Variants in NARS1 observed in about 807,000 individuals in gnomAD.
The protein encoded by NARS1 is asparaginyl-tRNA synthetase 1.
A neutral mutation model predicts 79.2 loss-of-function variants in NARS1; 65 were observed. The observed-to-expected ratio is 0.82, with a 90% CI of 0.67 to 1.01. NARS1 has a LOEUF of 1.01. Among genes scored for constraint, NARS1 ranks in the 50% least tolerant of loss-of-function variants. The pLI is 0.00. For missense variants in NARS1, 649 were observed against 673.8 expected (o/e 0.96, Z 0.41); for synonymous variants, 229 against 238.8 (o/e 0.96, Z 0.38).
Position 57,608,012 on chromosome 18 carries a change from C to T in NARS1, c.580-347G>A, listed in dbSNP as rs182847593. 1.6e-4 allele frequency among the ~76,000 whole-genome samples: 24 copies of T among 151,922 alleles called. No homozygotes were observed. In the East Asian group the frequency reaches 4.5e-3, roughly 29 times the overall value. Reference sequence around the variant, plus strand: ...CCTCCCGAGCAGCTGGGATTACAGGCGCCCACCACCACGTCTGGCTAATTT... The same window carrying T: ...CCTCCCGAGCAGCTGGGATTACAGGTGCCCACCACCACGTCTGGCTAATTT... On this transcript the variant is annotated intron_variant, in intron 7 of 13. Coordinates refer to ENST00000256854, the MANE Select transcript of NARS1 (RefSeq NM_004539.4).
intron 6 of NARS1, among the ~76,000 whole-genome samples, chr18:57,610,418 G>C (rs2051595512): frequency 6.6e-6 from 1 of 152,184 alleles, no homozygotes; most frequent in Non-Finnish European, 1.5e-5. Flanking sequence ...GTTGCACTAA[G>C]CTGAGATCAC....
intron 11 of NARS1, among the ~76,000 whole-genome samples, chr18:57,604,201 A>G (rs993190597): frequency 6.6e-6 from 1 of 152,206 alleles, no homozygotes; most frequent in Non-Finnish European, 1.5e-5. Flanking sequence ...ACTAAGTATT[A>G]GGAACACTAA....
Position 57,607,170 on chromosome 18 carries a change from C to T in NARS1, c.965G>A (p.Arg322Gln). Reference protein sequence around the residue: ...GDVFCIAQSYRAEQSRTRRHL... With the variant: ...GDVFCIAQSYQAEQSRTRRHL... ...CCTTCGTGTTCTGGACTGCTCTGCC[C>T]GGTATGACTGAGCAATACAAAAAAC... is the stretch of plus-strand genomic sequence containing the variant. The change falls in exon 9 of 14, where the codon CGG (arginine) becomes CAG (glutamine). Residue 322 changes from arginine (R) to glutamine (Q), a missense_variant. Transcript: ENST00000256854. 2 of 1,613,992 alleles carry T rather than the reference C, an allele frequency of 1.2e-6. No homozygotes were observed. Among genetic ancestry groups the T allele is most frequent in the Non-Finnish European group, 1.7e-6 (2 of 1,179,988 alleles).
At chr18:57,612,804 TTATAAAA>T (rs2051615395) in intron 5 of NARS1, among the ~76,000 whole-genome samples, 1 of 152,082 alleles carries the variant, frequency 6.6e-6, no homozygotes, top group African/African-American at 2.4e-5. Flanking sequence ...TGTTTATATA[TTATAAAA>T]TATATAATAA....
At chr18:57,608,392 G>A (rs1005150671) in intron 7 of NARS1, among the ~76,000 whole-genome samples, 87 of 119,292 alleles carry the variant, frequency 7.3e-4, no homozygotes, top group African/African-American at 2.6e-3. Context: ...AGTGGAGATC[G>A]CACCACTGCA....
intron 5 of NARS1, among the ~76,000 whole-genome samples, chr18:57,612,785 A>G (rs2051615237): frequency 6.6e-6 from 1 of 152,200 alleles, no homozygotes; most frequent in Non-Finnish European, 1.5e-5. Flanking sequence ...ATAAATAGTA[A>G]AAGTGACATG....
chr18:57,618,786 G>A (rs11152022), intron 2 of NARS1, among the ~76,000 whole-genome samples: 7 of 152,038 alleles, frequency 4.6e-5, no homozygotes, highest in East Asian at 3.9e-4. Context: ...CCTGTGGTCC[G>A]AGCTACTTGG....
Position 57,613,635 on chromosome 18 carries a change from C to T in NARS1, c.388G>A (p.Val130Met). 1.2e-6 allele frequency: 2 copies of T among 1,614,142 alleles called. No homozygotes were observed. The highest frequency in any genetic ancestry group is 1.7e-6 in the Non-Finnish European group (2 of 1,180,006). Residue 130 changes from valine (V) to methionine (M), a missense_variant, in exon 5 of 14, where the codon GTG becomes ATG. Transcript: ENST00000256854. Reference protein sequence around the residue: ...LEGYRGQRVKVFGWVHRLRRQ... With the variant: ...LEGYRGQRVKMFGWVHRLRRQ... ...CGCAGCCTGTGGACCCAGCCAAACA[C>T]CTTTACTCTTTGGCCTCTATATCCT...
chr18:57,610,042 C>T (rs2051592351), intron 6 of NARS1, among the ~76,000 whole-genome samples: 1 of 152,014 alleles, frequency 6.6e-6, no homozygotes, highest in Non-Finnish European at 1.5e-5. Context: ...TGTCTCAAAA[C>T]AACAAACAAA....
chr18:57,609,211 A>G (rs373136746), intron 7 of NARS1, 146 bp downstream of exon 7: 1 of 559,630 alleles, frequency 1.8e-6, no homozygotes, highest in Non-Finnish European at 3.1e-6. Context: ...CTCCTTAAAA[A>G]CTCCCTTTCA....
At chr18:57,612,440 G>A (rs529543282) in intron 5 of NARS1, among the ~76,000 whole-genome samples, 2 of 152,024 alleles carry the variant, frequency 1.3e-5, no homozygotes, top group East Asian at 1.9e-4. Context: ...CCCCTCCACC[G>A]TCGCTTTTTT....
At chr18:57,610,330 G>A (rs938546360) in intron 6 of NARS1, among the ~76,000 whole-genome samples, 3 of 152,140 alleles carry the variant, frequency 2.0e-5, no homozygotes, top group Non-Finnish European at 4.4e-5. Context: ...AAGTTAGCTG[G>A]GTATGGTGGC....
chr18:57,619,264 TA>T (rs1908190849), intron 2 of NARS1, among the ~76,000 whole-genome samples: 1 of 98,486 alleles, frequency 1.0e-5, no homozygotes, highest in Non-Finnish European at 2.1e-5. Flanking sequence ...CATGCCTGGC[TA>T]ATTTTTTTTT....
chr18:57,617,694 A>G (rs1908111120), intron 2 of NARS1, among the ~76,000 whole-genome samples: 1 of 151,686 alleles, frequency 6.6e-6, no homozygotes, highest in South Asian at 2.1e-4. Flanking sequence ...AGGTGGGCGG[A>G]TCATGAGGTC....
intron 8 of NARS1, 49 bp downstream of exon 8, chr18:57,607,393 CAA>C (rs771363066): frequency 6.2e-7 from 1 of 1,611,392 alleles, no homozygotes; most frequent in Non-Finnish European, 8.5e-7. Flanking sequence ...ATTCAAGTTT[CAA>C]AACGGCAAAA....
intron 5 of NARS1, among the ~76,000 whole-genome samples, chr18:57,612,874 G>A (rs1457134291): frequency 1.3e-5 from 2 of 152,116 alleles, no homozygotes; most frequent in Non-Finnish European, 2.9e-5. Flanking sequence ...CAAATATACT[G>A]TTTATAAGAG....
rs754614039 is a variant in NARS1, at chr18:57,615,733, A to G, written c.253-3T>C. The stretch of plus-strand genomic sequence containing the variant: ...TCTCTTCGTAAACTATCTTCTGCCT[A>G]ATTTTAATGATGAAGCAGTTTGTTA... On this transcript the variant is annotated splice_region_variant and splice_polypyrimidine_tract_variant and intron_variant, in intron 3 of 13. Transcript: ENST00000256854. 1 of 1,610,820 alleles carries G rather than the reference A, an allele frequency of 6.2e-7. No homozygotes were observed.
intron 11 of NARS1, among the ~76,000 whole-genome samples, 193 bp from the exon 12 acceptor site, chr18:57,603,136 A>C (rs2051524265): frequency 6.6e-6 from 1 of 152,132 alleles, no homozygotes; most frequent in African/African-American, 2.4e-5. Flanking sequence ...CTTAAAACTC[A>C]GTTATTTAAT....
intron 2 of NARS1, among the ~76,000 whole-genome samples, chr18:57,616,948 CAAAAAAAAAAAAA>C (rs59363506): frequency 5.5e-5 from 4 of 72,786 alleles, no homozygotes; most frequent in Admixed American, 3.5e-4. Context: ...GACTCTGTCT[CAAAAAAAAAAAAA>C]AAAAAAAAAA....
Sources: allele counts gnomAD v4.1 joint callset (sites outside exome capture counted in the v4.1 genomes callset), GRCh38; gene constraint gnomAD v4.1.1; transcripts MANE v1.5; gene names NCBI Gene and HGNC (gene_info 2026-07-23, HGNC 2026-07-21).